The following SLC13A1 variants were observed in gnomAD, a reference collection of about 807,000 sequenced individuals.
The protein encoded by SLC13A1 is Na(+)/sulfate cotransporter.
In SLC13A1, 65 loss-of-function variants were observed where a neutral mutation model predicts 70.0. The ratio of observed to expected loss-of-function variants is 0.93; its 90% confidence interval spans 0.76 to 1.14. SLC13A1 has a LOEUF of 1.14. SLC13A1 is among the 50% of genes most tolerant of loss of function. SLC13A1 has a pLI of 0.00. For synonymous variants in SLC13A1, 275 were observed against 250.5 expected, an observed-to-expected ratio of 1.10 and a Z score of -0.92; for missense variants, 726 against 717.8, an observed-to-expected ratio of 1.01 and a Z score of -0.13.
intron 6 of SLC13A1, among the ~76,000 whole-genome samples, chr7:123,161,151 C>G (rs1794880710): frequency 6.6e-6 from 1 of 150,638 alleles, no homozygotes; most frequent in Non-Finnish European, 1.5e-5. Flanking sequence ...ATAAAATAGA[C>G]ATAGTTTGGA....
chr7:123,144,230 A>G (rs1794266524), intron 7 of SLC13A1, among the ~76,000 whole-genome samples: 3 of 152,096 alleles, frequency 2.0e-5, no homozygotes, highest in Admixed American at 2.0e-4. Context: ...ATTCAGAGGA[A>G]AGGGCAGGGA....
chr7:123,128,180 ACT>A (rs1293155167), intron 10 of SLC13A1, among the ~76,000 whole-genome samples: 2 of 152,088 alleles, frequency 1.3e-5, no homozygotes, highest in Non-Finnish European at 2.9e-5. Flanking sequence ...GCTGGGCTGA[ACT>A]TGTAGTGAAC....
chr7:123,144,593 C>T (rs1399192344), intron 7 of SLC13A1, among the ~76,000 whole-genome samples: 1 of 152,070 alleles, frequency 6.6e-6, no homozygotes, highest in Non-Finnish European at 1.5e-5. Context: ...TCAATTTTAG[C>T]TCCCAGGTAA....
chr7:123,191,413 A>G (rs1795993517), intron 1 of SLC13A1, among the ~76,000 whole-genome samples: 1 of 152,174 alleles, frequency 6.6e-6, no homozygotes. Flanking sequence ...TTTCAACCAC[A>G]GGTTTCCACA....
intron 6 of SLC13A1, among the ~76,000 whole-genome samples, chr7:123,160,270 CAAAA>C (rs1384770804): frequency 5.6e-5 from 3 of 53,956 alleles, no homozygotes; most frequent in Non-Finnish European, 3.9e-5. Context: ...GACTCAGTCT[CAAAA>C]AAAAAAAAAA....
At chr7:123,149,329 T>C (rs914261676) in intron 6 of SLC13A1, 1 of 365,322 alleles carries the variant, frequency 2.7e-6, no homozygotes, top group Non-Finnish European at 5.4e-6. Context: ...CAGCCACGAG[T>C]TTTTACTTTA....
chr7:123,183,211 C>A (rs1336665070), intron 1 of SLC13A1, among the ~76,000 whole-genome samples: 1 of 152,112 alleles, frequency 6.6e-6, no homozygotes, highest in African/African-American at 2.4e-5. Flanking sequence ...CCAAGTCTGG[C>A]AAGGCAATTC....
At chr7:123,115,827 G>C (rs28364225) in intron 14 of SLC13A1, among the ~76,000 whole-genome samples, 172 bp from the exon 15 acceptor site, 2 of 152,140 alleles carry the variant, frequency 1.3e-5, no homozygotes, top group Admixed American at 6.5e-5. Context: ...CAACGTGCAG[G>C]TTTGTTACAT....
intron 10 of SLC13A1, among the ~76,000 whole-genome samples, chr7:123,126,666 A>G (rs968349802): frequency 3.3e-5 from 5 of 152,144 alleles, no homozygotes; most frequent in Non-Finnish European, 7.4e-5. Flanking sequence ...CAATTTTTAA[A>G]GCAGTCTACT....
At chr7:123,158,770 CA>C (rs1794792311) in intron 6 of SLC13A1, among the ~76,000 whole-genome samples, 1 of 151,768 alleles carries the variant, frequency 6.6e-6, no homozygotes, top group African/African-American at 2.4e-5. Flanking sequence ...AGCCAAAAGG[CA>C]GTAGAAATAT....
intron 1 of SLC13A1, among the ~76,000 whole-genome samples, chr7:123,188,778 T>A (rs1232730497): frequency 2.6e-5 from 4 of 152,146 alleles, no homozygotes; most frequent in Non-Finnish European, 5.9e-5. Flanking sequence ...ATGCAGTGAT[T>A]TTAAACACTT....
chr7:123,188,844 G>T (rs1348592162), intron 1 of SLC13A1, among the ~76,000 whole-genome samples: 2 of 151,840 alleles, frequency 1.3e-5, no homozygotes, highest in Non-Finnish European at 2.9e-5. Flanking sequence ...GGCCGGGTGC[G>T]GTGGCTCACG....
chr7:123,149,343 T>C (rs1794474467), intron 6 of SLC13A1: 1 of 371,738 alleles, frequency 2.7e-6, no homozygotes, highest in Non-Finnish European at 5.3e-6. Flanking sequence ...TACTTTATAA[T>C]TTTTCAAGAA....
chr7:123,148,930 G>C (rs1451037854), intron 6 of SLC13A1, among the ~76,000 whole-genome samples: 3 of 152,132 alleles, frequency 2.0e-5, no homozygotes, highest in Non-Finnish European at 4.4e-5. Flanking sequence ...TTATTTGACT[G>C]TGTATTAATT....
At chr7:123,137,113 G>A (rs542779941) in intron 7 of SLC13A1, among the ~76,000 whole-genome samples, 3 of 152,284 alleles carry the variant, frequency 2.0e-5, no homozygotes, top group South Asian at 2.1e-4. Context: ...AGTTAGTAAC[G>A]TGACATGATC....
intron 6 of SLC13A1, chr7:123,149,462 C>T: frequency 2.2e-6 from 1 of 456,526 alleles, no homozygotes; most frequent in Middle Eastern, 3.3e-4. Context: ...GTAGGAGACT[C>T]TTCCCTTCTT....
At chr7:123,142,564 C>A (rs1400604503) in intron 7 of SLC13A1, among the ~76,000 whole-genome samples, 5 of 151,994 alleles carry the variant, frequency 3.3e-5, no homozygotes, top group Admixed American at 6.6e-5. Flanking sequence ...CTGAAGCCAG[C>A]AACTCTTAGA....
intron 1 of SLC13A1, among the ~76,000 whole-genome samples, chr7:123,191,704 A>G (rs1051537720): frequency 2.0e-5 from 3 of 152,178 alleles, no homozygotes; most frequent in Non-Finnish European, 2.9e-5. Flanking sequence ...GGCACTCCAC[A>G]TGACATTTTA....
intron 1 of SLC13A1, among the ~76,000 whole-genome samples, chr7:123,193,958 T>A (rs1400731277): frequency 3.3e-5 from 5 of 152,118 alleles, no homozygotes. Context: ...TCTCCTGCAT[T>A]CTCTCCTTCC....
Sources: gnomAD v4.1 joint callset for allele counts (sites outside exome capture counted in the v4.1 genomes callset) on GRCh38, gnomAD v4.1.1 for gene constraint, MANE v1.5 for transcripts, NCBI Gene and HGNC (gene_info 2026-07-23, HGNC 2026-07-21) for gene names.